SPECC1: variants seen among roughly 807,000 people sequenced by gnomAD.
SPECC1 encodes the protein sperm antigen with calponin homology and coiled-coil domains 1.
In SPECC1, 62 loss-of-function variants were observed where a neutral mutation model predicts 104.1. The observed-to-expected ratio is 0.60, with a 90% CI of 0.49 to 0.74. The LOEUF (loss-of-function observed/expected upper bound fraction) is 0.74, where lower values mean the gene tolerates loss of function less well. Among genes scored for constraint, SPECC1 ranks in the 30% least tolerant of loss-of-function variants. The probability of loss-of-function intolerance (pLI) is 0.00; values close to 1 mark genes in which losing one functional copy is unlikely to be tolerated. For synonymous variants in SPECC1, 513 were observed against 501.6 expected (o/e 1.02, Z -0.30); for missense variants, 1,306 against 1,310.5 (o/e 1.00, Z 0.05).
chr17:20,118,098 G>A (rs1285925750), intron 3 of SPECC1, among the ~76,000 whole-genome samples: 1 of 149,114 alleles, frequency 6.7e-6, no homozygotes, highest in East Asian at 2.0e-4. Context: ...GTGAGACCCT[G>A]TCTCACAATA....
At position 20,133,700 on chromosome 17, in the gene SPECC1, A is replaced by T. The variant is rs558916191; in HGVS notation, c.283+23138A>T. Among the ~76,000 whole-genome samples the T allele has an allele frequency of 5.3e-5, 8 of 152,300 alleles. No individual in the cohort carries two copies. In the East Asian group the frequency reaches 1.5e-3, roughly 29 times the overall value. ...AACCACCTGTTGGGATGGAAAGAAA[A>T]AGAAAATGGAAAATGGAACTTGGCA... On this transcript the variant is annotated intron_variant, in intron 3 of 14. Transcript: ENST00000395527.
At chr17:20,271,860 C>T (rs916190880) in intron 12 of SPECC1, among the ~76,000 whole-genome samples, 121 of 151,708 alleles carry the variant, frequency 8.0e-4, no homozygotes, top group Non-Finnish European at 1.8e-4. Context: ...TTGTTTTACC[C>T]TGATGCTTGA....
At chr17:20,156,294 C>T (rs1036835200) in intron 3 of SPECC1, 22 of 1,309,008 alleles carry the variant, frequency 1.7e-5, no homozygotes, top group Non-Finnish European at 2.2e-5. Context: ...CCTCCAGGCG[C>T]CCTTCCCCCA....
intron 3 of SPECC1, among the ~76,000 whole-genome samples, chr17:20,178,747 G>A (rs534429210): frequency 1.5e-3 from 223 of 152,254 alleles, no homozygotes; most frequent in Middle Eastern, 3.4e-3. Context: ...TTGAATGATA[G>A]GATTCTTAGA....
chr17:20,293,804 A>C (rs2041249973), intron 12 of SPECC1, among the ~76,000 whole-genome samples: 1 of 152,138 alleles, frequency 6.6e-6, no homozygotes, highest in Non-Finnish European at 1.5e-5. Context: ...TGGGAACTTG[A>C]TGCTTCATTT....
At chr17:20,064,647 C>T (rs1330521918) in intron 1 of SPECC1, among the ~76,000 whole-genome samples, 2 of 152,152 alleles carry the variant, frequency 1.3e-5, no homozygotes, top group Non-Finnish European at 2.9e-5. Context: ...TATGAATTCA[C>T]CTGGCACCAC....
At position 20,265,807 on chromosome 17, in the gene SPECC1, G is replaced by A. The variant is rs140140276; in HGVS notation, c.2940+5513G>A. Among the ~76,000 whole-genome samples the A allele has an allele frequency of 5.9e-3, 901 of 152,188 alleles. 31 individuals carry two copies. The highest frequency in any genetic ancestry group is 0.053 in the Admixed American group (805 of 15,282). ...TAGAGGTCTAGTTTCTATCTTCTGC[G>A]TATGGTCAGCCAGTCATCCCAGCAG... On this transcript the variant is annotated intron_variant, in intron 12 of 14. Coordinates refer to ENST00000395527, the MANE Select transcript of SPECC1 (RefSeq NM_001243439.2).
chr17:20,030,802 T>A (rs1404212070), intron 1 of SPECC1, among the ~76,000 whole-genome samples: 1 of 152,150 alleles, frequency 6.6e-6, no homozygotes, highest in Non-Finnish European at 1.5e-5. Context: ...CTCTGGGATG[T>A]CTTTATTTCA....
chr17:20,150,531 C>T (rs113116370), intron 3 of SPECC1, among the ~76,000 whole-genome samples: 9 of 151,336 alleles, frequency 5.9e-5, no homozygotes, highest in East Asian at 5.9e-4. Flanking sequence ...CCCAGCTACT[C>T]GGGAGGCTGA....
intron 1 of SPECC1, among the ~76,000 whole-genome samples, chr17:20,024,438 T>G (rs183283418): frequency 2.1e-3 from 316 of 152,366 alleles, no homozygotes; most frequent in Middle Eastern, 0.01. Context: ...TTCTCTCAAT[T>G]GCTTTCCTTT....
In SPECC1 at chr17:20,236,978, G is replaced by T. The variant is rs150007419; in HGVS notation, c.2351+4573G>T. The stretch of plus-strand genomic sequence containing the variant: ...AGGGGGAATGTGTAGAGGAGAAATT[G>T]CCTCTTTATAAAGAGCCCAGTTGTC... On this transcript the variant is annotated intron_variant, in intron 7 of 14. Coordinates refer to ENST00000395527, the MANE Select transcript of SPECC1 (RefSeq NM_001243439.2). 3.1e-6 allele frequency: 5 copies of T among 1,589,544 alleles called. No homozygotes were observed. In the East Asian group the frequency reaches 1.2e-4, roughly 37 times the overall value.
At chr17:20,013,703 G>A (rs1397347941) in intron 1 of SPECC1, among the ~76,000 whole-genome samples, 3 of 152,070 alleles carry the variant, frequency 2.0e-5, no homozygotes, top group Admixed American at 6.6e-5. Flanking sequence ...GGTTTTAACC[G>A]TGTTGGCCAG....
intron 12 of SPECC1, among the ~76,000 whole-genome samples, chr17:20,265,556 G>C (rs1472362898): frequency 6.6e-6 from 1 of 152,250 alleles, no homozygotes; most frequent in South Asian, 2.1e-4. Flanking sequence ...TGTTAACTCT[G>C]TTGATAGCTT....
intron 7 of SPECC1, among the ~76,000 whole-genome samples, chr17:20,242,003 G>GT (rs1373047070): frequency 6.6e-6 from 1 of 152,200 alleles, no homozygotes; most frequent in African/African-American, 2.4e-5. Context: ...TTGTTCAGGT[G>GT]TTCAGTAAAG....
At chr17:20,081,672 T>G (rs2046979877) in intron 1 of SPECC1, among the ~76,000 whole-genome samples, 1 of 152,006 alleles carries the variant, frequency 6.6e-6, no homozygotes, top group South Asian at 2.1e-4. Context: ...TCTGGAAGAT[T>G]GGGCTGGACT....
At chr17:20,016,485 C>T (rs909543145) in intron 1 of SPECC1, among the ~76,000 whole-genome samples, 1 of 152,032 alleles carries the variant, frequency 6.6e-6, no homozygotes, top group Non-Finnish European at 1.5e-5. Flanking sequence ...CGGGCGGGAA[C>T]CGGGGCTGTA....
intron 1 of SPECC1, among the ~76,000 whole-genome samples, chr17:20,027,815 A>G (rs1390871875): frequency 6.6e-6 from 1 of 152,154 alleles, no homozygotes; most frequent in Non-Finnish European, 1.5e-5. Context: ...GAAGTCAGGT[A>G]GTATGATGCC....
intron 4 of SPECC1, among the ~76,000 whole-genome samples, chr17:20,215,941 G>A (rs2037460285): frequency 6.6e-6 from 1 of 152,150 alleles, no homozygotes; most frequent in East Asian, 1.9e-4. Flanking sequence ...TGCCCTGACA[G>A]AGATCTTTTT....
chr17:20,087,517 T>A (rs1432705921), intron 1 of SPECC1, among the ~76,000 whole-genome samples: 1 of 152,186 alleles, frequency 6.6e-6, no homozygotes, highest in African/African-American at 2.4e-5. Context: ...TGCTTGCCCG[T>A]TAATTCAGCA....
Sources: gnomAD v4.1 joint callset for allele counts (sites outside exome capture counted in the v4.1 genomes callset) on GRCh38, gnomAD v4.1.1 for gene constraint, MANE v1.5 for transcripts, NCBI Gene and HGNC (gene_info 2026-07-23, HGNC 2026-07-21) for gene names.